Variants in LTBP1 observed in about 807,000 individuals in gnomAD.
LTBP1 encodes latent-transforming growth factor beta-binding protein 1.
Under a neutral mutation model 207.6 loss-of-function variants are expected in LTBP1, and 129 were observed. The observed-to-expected ratio is 0.62, with a 90% CI of 0.54 to 0.72. The LOEUF (loss-of-function observed/expected upper bound fraction) is 0.72. Ranked by LOEUF, LTBP1 falls within the 30% of genes least tolerant of loss-of-function variation. The probability of loss-of-function intolerance (pLI) is 0.00; values close to 1 mark genes in which losing one functional copy is unlikely to be tolerated. For missense variants in LTBP1, 2,281 were observed against 2,217.2 expected, an observed-to-expected ratio of 1.03 and a Z score of -0.58; for synonymous variants, 963 against 833.7, an observed-to-expected ratio of 1.16 and a Z score of -2.67.
chr2:32,999,263 G>A (rs985672542), intron 2 of LTBP1, among the ~76,000 whole-genome samples: 1 of 152,164 alleles, frequency 6.6e-6, no homozygotes, highest in African/African-American at 2.4e-5. Flanking sequence ...ATTCACATTT[G>A]AGAAGCTGCA....
At chr2:32,984,635 T>G (rs755664983) in intron 2 of LTBP1, among the ~76,000 whole-genome samples, 36 of 152,156 alleles carry the variant, frequency 2.4e-4, no homozygotes, top group Non-Finnish European at 4.1e-4. Context: ...TGAAAAACAA[T>G]TCTGGGCCAG....
intron 2 of LTBP1, among the ~76,000 whole-genome samples, chr2:32,979,936 C>T (rs1682500262): frequency 6.6e-6 from 1 of 152,036 alleles, no homozygotes; most frequent in African/African-American, 2.4e-5. Flanking sequence ...CTTTTCTTTT[C>T]TCTTTTTATA....
chr2:33,143,910 A>C (rs1289573047), intron 5 of LTBP1, among the ~76,000 whole-genome samples: 1 of 151,418 alleles, frequency 6.6e-6, no homozygotes, highest in African/African-American at 2.4e-5. Context: ...CACCTCTCTC[A>C]TTCTTGACTT....
chr2:33,256,991 A>G (rs532729952), intron 11 of LTBP1, among the ~76,000 whole-genome samples: 4 of 150,934 alleles, frequency 2.7e-5, no homozygotes, highest in African/African-American at 9.7e-5. Context: ...TATGATATAT[A>G]AAATATATGC....
At chr2:33,051,015 G>A (rs568286756) in intron 3 of LTBP1, among the ~76,000 whole-genome samples, 5 of 152,186 alleles carry the variant, frequency 3.3e-5, no homozygotes, top group South Asian at 2.1e-4. Flanking sequence ...GAGCCACCGC[G>A]CCCGGCCTGA....
intron 4 of LTBP1, among the ~76,000 whole-genome samples, chr2:33,112,302 G>T (rs187639397): frequency 1.3e-5 from 2 of 152,176 alleles, no homozygotes; most frequent in African/African-American, 2.4e-5. Context: ...CCACCCTCGT[G>T]TGTATATATG....
intron 5 of LTBP1, among the ~76,000 whole-genome samples, chr2:33,175,752 C>G (rs956556753): frequency 1.8e-4 from 28 of 152,184 alleles, no homozygotes; most frequent in African/African-American, 6.5e-4. Flanking sequence ...TTGGAACCAA[C>G]CCAAATGGCC....
intron 2 of LTBP1, among the ~76,000 whole-genome samples, chr2:32,966,448 T>A (rs1307622836): frequency 6.6e-6 from 1 of 152,184 alleles, no homozygotes; most frequent in African/African-American, 2.4e-5. Context: ...GAGAGAATAT[T>A]CTTGCCTTAT....
At chr2:33,356,707 C>G (rs541266084) in intron 26 of LTBP1, among the ~76,000 whole-genome samples, 1 of 152,132 alleles carries the variant, frequency 6.6e-6, no homozygotes, top group Non-Finnish European at 1.5e-5. Flanking sequence ...TGAGAAAACT[C>G]GAAACAAGGC....
chr2:33,011,031 A>G (rs548688893), intron 2 of LTBP1, among the ~76,000 whole-genome samples: 10 of 152,006 alleles, frequency 6.6e-5, no homozygotes, highest in African/African-American at 2.2e-4. Flanking sequence ...TCCATTCTTT[A>G]CTTGTTTTAT....
At chr2:33,265,921 GAAAC>G (rs920434337) in intron 15 of LTBP1, among the ~76,000 whole-genome samples, 2 of 152,174 alleles carry the variant, frequency 1.3e-5, no homozygotes, top group Non-Finnish European at 2.9e-5. Context: ...TCCCTCCTCA[GAAAC>G]ATGTTATGGT....
At chr2:33,180,874 A>G (rs1000254254) in intron 5 of LTBP1, among the ~76,000 whole-genome samples, 1 of 152,240 alleles carries the variant, frequency 6.6e-6, no homozygotes, top group Non-Finnish European at 1.5e-5. Flanking sequence ...TTAACTTTCT[A>G]AAAATATTGC....
intron 5 of LTBP1, among the ~76,000 whole-genome samples, chr2:33,185,982 G>A (rs889551432): frequency 6.6e-6 from 1 of 152,190 alleles, no homozygotes; most frequent in Non-Finnish European, 1.5e-5. Flanking sequence ...TAAAGAGGTT[G>A]ACCATAAGCT....
At chr2:33,270,589 CA>C (rs397961095) in intron 15 of LTBP1, among the ~76,000 whole-genome samples, 1,884 of 75,278 alleles carry the variant, frequency 0.025, 5 homozygotes, top group African/African-American at 0.037. Flanking sequence ...GACTCCGTCT[CA>C]AAAAAAAAAA....
At chr2:33,345,802 A>G (rs1343453698) in intron 25 of LTBP1, among the ~76,000 whole-genome samples, 2 of 152,136 alleles carry the variant, frequency 1.3e-5, no homozygotes, top group East Asian at 1.9e-4. Flanking sequence ...AACTTTGATT[A>G]AGCCATCTCA....
At chr2:33,174,124 CT>C (rs1256083840) in intron 5 of LTBP1, among the ~76,000 whole-genome samples, 1 of 147,762 alleles carries the variant, frequency 6.8e-6, no homozygotes, top group African/African-American at 2.5e-5. Flanking sequence ...CTCACCACTC[CT>C]ATTCAACATA....
chr2:33,081,164 G>T (rs1302319158), intron 3 of LTBP1, among the ~76,000 whole-genome samples: 2 of 152,064 alleles, frequency 1.3e-5, no homozygotes. Context: ...TGGTGTCTCA[G>T]TGTCTTTGAG....
At chr2:33,207,300 G>T (rs935899373) in intron 7 of LTBP1, among the ~76,000 whole-genome samples, 1 of 152,036 alleles carries the variant, frequency 6.6e-6, no homozygotes, top group Non-Finnish European at 1.5e-5. Context: ...ATTCCTTGAA[G>T]CCCATGGTTT....
intron 4 of LTBP1, among the ~76,000 whole-genome samples, chr2:33,114,150 A>T (rs1298066161): frequency 6.6e-6 from 1 of 152,218 alleles, no homozygotes; most frequent in South Asian, 2.1e-4. Flanking sequence ...CCGGTAAAGG[A>T]TATCTCTAGT....
Sources: gnomAD v4.1 joint callset for allele counts (sites outside exome capture counted in the v4.1 genomes callset) on GRCh38, gnomAD v4.1.1 for gene constraint, MANE v1.5 for transcripts, NCBI Gene and HGNC (gene_info 2026-07-23, HGNC 2026-07-21) for gene names.